Variants in SULF2 observed in about 807,000 individuals in gnomAD.
SULF2 encodes extracellular sulfatase Sulf-2.
SULF2 carries 52 observed loss-of-function variants against 107.7 expected under a neutral mutation model. The observed-to-expected ratio is 0.48, with a 90% confidence interval of 0.39 to 0.61. SULF2 has a LOEUF of 0.61. SULF2 is among the 20% of genes least tolerant of loss of function. The pLI is 0.00. For missense variants in SULF2, 993 were observed against 1,177.3 expected (o/e 0.84, Z 2.29); for synonymous variants, 460 against 464.3 (o/e 0.99, Z 0.12).
rs143195457 is a variant in SULF2 at position 47,676,561 on chromosome 20, T to G, written c.1313A>C (p.Lys438Thr). The G allele has an allele frequency of 6.3e-7, 1 of 1,584,810 alleles. No individual in the cohort carries two copies. Among genetic ancestry groups the G allele is most frequent in the African/African-American group, 1.3e-5 (1 of 74,482 alleles). ...ACACAGGTCCTTCACACGCTGGTACTTGGGCAGAAAGTTCTCCTCCTGGGC... is the reference window on the plus strand; with the variant it reads ...ACACAGGTCCTTCACACGCTGGTACGTGGGCAGAAAGTTCTCCTCCTGGGC... Reference protein sequence around the residue: ...VDAQEENFLPKYQRVKDLCQR... With the variant: ...VDAQEENFLPTYQRVKDLCQR... Residue 438 changes from lysine (K) to threonine (T), a missense_variant, in exon 10 of 21, where the codon AAG becomes ACG. Lys to Thr is a moderately conservative substitution (Grantham distance 78, BLOSUM62 -1). This residue lies in a region of SULF2 where 108 missense variants were observed against 183.9 expected (regional missense o/e 0.59). Coordinates refer to ENST00000688720, the MANE Select transcript of SULF2 (RefSeq NM_001387048.1).
intron 2 of SULF2, among the ~76,000 whole-genome samples, chr20:47,740,133 C>A (rs56215712): frequency 0.34 from 51,673 of 152,082 alleles, 9,193 homozygotes; most frequent in Non-Finnish European, 0.39. Flanking sequence ...GCGACTATCA[C>A]TGGCTGAATG....
At position 47,757,170 on chromosome 20, in the gene SULF2, C is replaced by G. The variant is rs1159573995; in HGVS notation, c.175+19G>C. On this transcript the variant is annotated intron_variant, in intron 2 of 20. Transcript: ENST00000688720. ...TGCTCCGAGGGGCCGAGGTGCCACC[C>G]TGGGGCCCCGAGGCTTACCCAGCTC... is the stretch of plus-strand genomic sequence containing the variant. The G allele has an allele frequency of 6.5e-7, 1 of 1,540,514 alleles. No homozygotes were observed. Among genetic ancestry groups the G allele is most frequent in the Admixed American group, 2.0e-5 (1 of 50,710 alleles).
In SULF2 at chr20:47,680,254, G is replaced by A. The variant is rs544214173; in HGVS notation, c.1065-1450C>T. Among the ~76,000 whole-genome samples, 2 of 152,174 alleles carry A rather than the reference G, an allele frequency of 1.3e-5. No individual in the cohort carries two copies. Among genetic ancestry groups the A allele is most frequent in the Non-Finnish European group, 2.9e-5 (2 of 68,026 alleles). On this transcript the variant is annotated intron_variant, in intron 7 of 20. Transcript: ENST00000688720. The surrounding 1 kb of genome is among the most constrained non-coding windows in gnomAD (Gnocchi z 4.2). ...CGAGTAGCTGGGATTACAGGCATGC[G>A]CCATCACACCCATAATTTTTGTACT...
intron 2 of SULF2, among the ~76,000 whole-genome samples, chr20:47,741,595 A>G (rs913323108): frequency 5.9e-5 from 9 of 152,190 alleles, no homozygotes; most frequent in Admixed American, 1.3e-4. Context: ...CTCAGCCTAG[A>G]ACAGTGCCTG....
intron 3 of SULF2, among the ~76,000 whole-genome samples, chr20:47,719,277 A>C (rs2146687013): frequency 6.6e-6 from 1 of 152,372 alleles, no homozygotes. Flanking sequence ...ATATGTTTTC[A>C]TATAACTGGC....
Position 47,659,684 on chromosome 20 carries a change from T to A in SULF2, c.2528+13A>T. 6.2e-7 allele frequency: 1 copy of A among 1,609,328 alleles called. No individual in the cohort carries two copies. The highest frequency in any genetic ancestry group is 8.5e-7 in the Non-Finnish European group (1 of 1,176,076). On this transcript the variant is annotated intron_variant, in intron 19 of 20. Coordinates refer to ENST00000688720, the MANE Select transcript of SULF2 (RefSeq NM_001387048.1). ...GAGAACTTTGTTTAGGCTTTAATAA[T>A]AAAACGAAATACCTGTATTGCTCAT...
At chr20:47,745,396 AAAAAAAAAAAAAAAATATATAT>A (rs1464292297) in intron 2 of SULF2, among the ~76,000 whole-genome samples, 471 of 27,274 alleles carry the variant, frequency 0.017, 22 homozygotes, top group Non-Finnish European at 0.021. Context: ...AAAAAAAAAA[AAAAAAAAAAAAAAAATATATAT>A]ATATATATAT....
intron 5 of SULF2, chr20:47,685,797 G>A (rs1406899170): frequency 6.6e-6 from 1 of 152,340 alleles, no homozygotes; most frequent in African/African-American, 2.4e-5. Flanking sequence ...TTACAAGCAT[G>A]AGCCACTGCA....
At chr20:47,739,932 CCA>C (rs1248967110) in intron 2 of SULF2, among the ~76,000 whole-genome samples, 1 of 152,160 alleles carries the variant, frequency 6.6e-6, no homozygotes. Flanking sequence ...TATGTGCTCT[CCA>C]GTTTGCCACA....
rs1340237017 is a variant in SULF2, at chr20:47,665,298, G to T, written c.1903-5C>A. 6.3e-7 allele frequency: 1 copy of T among 1,595,810 alleles called. No individual in the cohort carries two copies. Among genetic ancestry groups the T allele is most frequent in the Non-Finnish European group, 8.6e-7 (1 of 1,163,458 alleles). On this transcript the variant is annotated splice_region_variant and splice_polypyrimidine_tract_variant and intron_variant, in intron 13 of 20. Transcript: ENST00000688720. ...TTTGTTCTGCAGGGTTTCAATCTGAGGGAGGGGCAGAAGAGGAGGCCTTGA... is the reference window on the plus strand; with the variant it reads ...TTTGTTCTGCAGGGTTTCAATCTGATGGAGGGGCAGAAGAGGAGGCCTTGA...
At chr20:47,679,389 C>G (rs2087753583) in intron 7 of SULF2, among the ~76,000 whole-genome samples, 1 of 152,194 alleles carries the variant, frequency 6.6e-6, no homozygotes, top group Non-Finnish European at 1.5e-5. Context: ...GACCCCCTCA[C>G]CTTGGGTGTG....
At chr20:47,746,080 G>A (rs2090028607) in intron 2 of SULF2, among the ~76,000 whole-genome samples, 1 of 152,240 alleles carries the variant, frequency 6.6e-6, no homozygotes, top group Non-Finnish European at 1.5e-5. Flanking sequence ...AGGCCCACTT[G>A]ACAAGGTCCT....
At chr20:47,757,886 T>G (rs1230220960) in intron 1 of SULF2, among the ~76,000 whole-genome samples, 1 of 151,774 alleles carries the variant, frequency 6.6e-6, no homozygotes, top group Non-Finnish European at 1.5e-5. Context: ...GGTACAGAGG[T>G]GAGGGAGATG....
Position 47,678,494 on chromosome 20 carries a change from A to G in SULF2, c.1193+182T>C. 1 of 604,586 alleles carries G rather than the reference A, an allele frequency of 1.7e-6. No individual in the cohort carries two copies. The highest frequency in any genetic ancestry group is 2.8e-6 in the Non-Finnish European group (1 of 363,046). The allele number at this position is 604,586 out of a possible 1,614,324, so 37.5% of individuals were successfully genotyped here. On this transcript the variant is annotated intron_variant, in intron 8 of 20. Transcript: ENST00000688720. This position sits in a 1 kb window ranked among gnomAD's most constrained non-coding sequence, Gnocchi z 4.5. ...TTGGCCACATTCCAGATGGGAAGAC[A>G]GAATCTCGGAGAGGGGACCATGCTT...
chr20:47,684,385 G>A (rs368395255), intron 6 of SULF2, 46 bp downstream of exon 6: 80 of 1,552,408 alleles, frequency 5.2e-5, no homozygotes, highest in Non-Finnish European at 6.6e-5. Context: ...GGCCTGGCTG[G>A]GGGTTCGGAG....
intron 4 of SULF2, among the ~76,000 whole-genome samples, chr20:47,699,452 A>C (rs1049876614): frequency 2.6e-5 from 4 of 151,924 alleles, no homozygotes; most frequent in Non-Finnish European, 5.9e-5. Context: ...AGGGGTACAC[A>C]GTAGGTGCTC....
intron 1 of SULF2, among the ~76,000 whole-genome samples, chr20:47,768,791 C>T (rs1381090543): frequency 1.3e-5 from 2 of 152,198 alleles, no homozygotes; most frequent in African/African-American, 4.8e-5. Flanking sequence ...TCACCCCCAC[C>T]CCCAGTCCCA....
intron 3 of SULF2, among the ~76,000 whole-genome samples, chr20:47,715,112 T>G (rs2089071709): frequency 1.5e-5 from 2 of 131,876 alleles, no homozygotes; most frequent in Non-Finnish European, 3.4e-5. Flanking sequence ...TTTTTTTTTT[T>G]GTAGAGACAG....
intron 1 of SULF2, among the ~76,000 whole-genome samples, chr20:47,776,361 G>A (rs1413924632): frequency 1.3e-5 from 2 of 152,222 alleles, no homozygotes; most frequent in Admixed American, 6.5e-5. Flanking sequence ...AGAGCAAGGA[G>A]AGACTTCGTT....
Sources: gnomAD v4.1 joint callset for allele counts (sites outside exome capture counted in the v4.1 genomes callset) on GRCh38, gnomAD v4.1.1 for gene constraint, gnomAD v4.1.1 regional missense constraint, Gnocchi (gnomAD v3.1) non-coding constraint, MANE v1.5 for transcripts, NCBI Gene and HGNC (gene_info 2026-07-23, HGNC 2026-07-21) for gene names.